Variants in FBXL20 observed in about 807,000 individuals in gnomAD.
FBXL20 encodes the protein F-box and leucine rich repeat protein 20.
In FBXL20, 11 loss-of-function variants were observed where a neutral mutation model predicts 64.0. The ratio of observed to expected loss-of-function variants is 0.17; its 90% confidence interval spans 0.11 to 0.28. The LOEUF (loss-of-function observed/expected upper bound fraction) is 0.28. Ranked by LOEUF, FBXL20 falls within the 10% of genes least tolerant of loss-of-function variation. The probability of loss-of-function intolerance (pLI) is 1.00; values close to 1 mark genes in which losing one functional copy is unlikely to be tolerated. For missense variants in FBXL20, 303 were observed against 526.2 expected (o/e 0.58, Z 4.15); for synonymous variants, 184 against 189.0 (o/e 0.97, Z 0.22).
intron 2 of FBXL20, among the ~76,000 whole-genome samples, chr17:39,329,706 A>AG (rs1046142934): frequency 6.6e-6 from 1 of 152,142 alleles, no homozygotes; most frequent in Non-Finnish European, 1.5e-5. Flanking sequence ...AAAAAAACAG[A>AG]GGGAAAAAAG....
intron 1 of FBXL20, among the ~76,000 whole-genome samples, chr17:39,367,565 C>A (rs1359950273): frequency 1.3e-5 from 2 of 151,840 alleles, no homozygotes; most frequent in Non-Finnish European, 2.9e-5. Context: ...GATCTACCCA[C>A]CTCAGCCCCT....
At chr17:39,378,614 ATTT>A (rs563530990) in intron 1 of FBXL20, among the ~76,000 whole-genome samples, 1 of 144,960 alleles carries the variant, frequency 6.9e-6, no homozygotes, top group Non-Finnish European at 1.5e-5. Flanking sequence ...AATGGCTATA[ATTT>A]TTTTTTTTTT....
At chr17:39,346,411 C>G (rs576716420) in intron 1 of FBXL20, among the ~76,000 whole-genome samples, 1 of 152,110 alleles carries the variant, frequency 6.6e-6, no homozygotes, top group East Asian at 1.9e-4. Flanking sequence ...TGAAGGAAAC[C>G]TGTATACAGT....
intron 2 of FBXL20, among the ~76,000 whole-genome samples, chr17:39,342,315 C>T (rs1180802121): frequency 6.6e-6 from 1 of 151,822 alleles, no homozygotes; most frequent in Non-Finnish European, 1.5e-5. Context: ...TCTGTAATCC[C>T]AGCACCCTGA....
intron 2 of FBXL20, among the ~76,000 whole-genome samples, chr17:39,316,878 A>G (rs2047297842): frequency 6.6e-6 from 1 of 152,210 alleles, no homozygotes; most frequent in South Asian, 2.1e-4. Context: ...AATCCCAGCT[A>G]CGCAGGAGGC....
chr17:39,386,690 C>A (rs190014571), intron 1 of FBXL20, among the ~76,000 whole-genome samples: 32 of 152,090 alleles, frequency 2.1e-4, no homozygotes, highest in Non-Finnish European at 3.7e-4. Context: ...TAAAGAGTAC[C>A]ATTAGCATGA....
intron 1 of FBXL20, among the ~76,000 whole-genome samples, chr17:39,366,337 T>C (rs982880417): frequency 2.0e-5 from 3 of 152,216 alleles, no homozygotes; most frequent in Admixed American, 6.5e-5. Context: ...CTGTCACATC[T>C]GAATATTTTC....
intron 2 of FBXL20, among the ~76,000 whole-genome samples, chr17:39,308,568 AT>A (rs71141795): frequency 0.013 from 1,852 of 144,846 alleles, 17 homozygotes; most frequent in South Asian, 0.033. Flanking sequence ...TAATACAATA[AT>A]TTTTTTTTTT....
chr17:39,328,022 C>T (rs751226290), intron 2 of FBXL20, among the ~76,000 whole-genome samples: 5 of 151,934 alleles, frequency 3.3e-5, no homozygotes, highest in South Asian at 2.1e-4. Flanking sequence ...CCAAGGCAGG[C>T]GCATCACATG....
At chr17:39,385,219 C>A (rs1044564489) in intron 1 of FBXL20, among the ~76,000 whole-genome samples, 1 of 151,950 alleles carries the variant, frequency 6.6e-6, no homozygotes, top group African/African-American at 2.4e-5. Flanking sequence ...GAGACACTGT[C>A]TCTAGAAACA....
intron 2 of FBXL20, among the ~76,000 whole-genome samples, chr17:39,329,364 T>C (rs147916416): frequency 1.0e-3 from 155 of 152,162 alleles, no homozygotes; most frequent in Non-Finnish European, 2.0e-3. Flanking sequence ...GACTGAAAAA[T>C]TGTTGCAGAT....
intron 14 of FBXL20, among the ~76,000 whole-genome samples, chr17:39,262,918 C>T (rs887098631): frequency 1.3e-5 from 2 of 151,904 alleles, no homozygotes; most frequent in African/African-American, 2.4e-5. Context: ...AGGAGAATAG[C>T]GTGAACCTGG....
intron 1 of FBXL20, among the ~76,000 whole-genome samples, chr17:39,362,791 G>C (rs889547279): frequency 6.7e-6 from 1 of 149,154 alleles, no homozygotes; most frequent in African/African-American, 2.5e-5. Flanking sequence ...TAGTTTTTTT[G>C]TATTTTTAGT....
intron 2 of FBXL20, among the ~76,000 whole-genome samples, chr17:39,314,985 C>T (rs1223635970): frequency 5.9e-5 from 9 of 151,830 alleles, no homozygotes; most frequent in African/African-American, 1.7e-4. Flanking sequence ...TTAGTAGAGA[C>T]GGGGTTTCAC....
In FBXL20 at chr17:39,252,737, A is replaced by T. The variant is rs898780017; in HGVS notation, c.*8723T>A. On this transcript the variant is annotated 3_prime_UTR_variant, in exon 15 of 15. Coordinates refer to ENST00000264658, the MANE Select transcript of FBXL20 (RefSeq NM_032875.3). ...CAAGAAACAATAATAGTTACATAACAATTTACTTTATATATTTATATATAA... is the reference window on the plus strand; with the variant it reads ...CAAGAAACAATAATAGTTACATAACTATTTACTTTATATATTTATATATAA... 4 of 151,420 alleles carry T rather than the reference A, an allele frequency of 2.6e-5. No homozygotes were observed. Among genetic ancestry groups the T allele is most frequent in the African/African-American group, 9.7e-5 (4 of 41,286 alleles). The allele number at this position is 151,420 out of a possible 1,614,324, so 9.4% of individuals were successfully genotyped here.
At chr17:39,262,527 T>C (rs951459294) in intron 14 of FBXL20, among the ~76,000 whole-genome samples, 2 of 151,992 alleles carry the variant, frequency 1.3e-5, no homozygotes, top group Admixed American at 6.6e-5. Flanking sequence ...GTGATCCTCA[T>C]GCCTCAGCTT....
intron 2 of FBXL20, among the ~76,000 whole-genome samples, chr17:39,337,868 G>A (rs1305569614): frequency 1.3e-5 from 2 of 151,754 alleles, no homozygotes; most frequent in Non-Finnish European, 2.9e-5. Context: ...GGAGGGAGGA[G>A]GGGGTCAGGC....
chr17:39,373,213 C>G (rs2047935281), intron 1 of FBXL20, among the ~76,000 whole-genome samples: 2 of 152,124 alleles, frequency 1.3e-5, no homozygotes, highest in African/African-American at 4.8e-5. Context: ...TTTCTCTAAA[C>G]ACACTCCTGG....
chr17:39,322,885 A>G (rs1033560896), intron 2 of FBXL20, among the ~76,000 whole-genome samples: 1 of 151,958 alleles, frequency 6.6e-6, no homozygotes. Context: ...GCTCACTGCA[A>G]GCTCCGCCTC....
Sources: gnomAD v4.1 joint callset for allele counts (sites outside exome capture counted in the v4.1 genomes callset) on GRCh38, gnomAD v4.1.1 for gene constraint, MANE v1.5 for transcripts, NCBI Gene and HGNC (gene_info 2026-07-23, HGNC 2026-07-21) for gene names.